SNCAIP: variants seen among roughly 807,000 people sequenced by gnomAD.
The protein encoded by SNCAIP is synuclein alpha interacting protein.
A neutral mutation model predicts 86.7 loss-of-function variants in SNCAIP; 43 were observed. The ratio of observed to expected loss-of-function variants is 0.50; its 90% CI spans 0.39 to 0.64. SNCAIP has a LOEUF of 0.64. SNCAIP is among the 30% of genes least tolerant of loss of function. The pLI is 0.00. For synonymous variants in SNCAIP, 417 were observed against 427.2 expected, an observed-to-expected ratio of 0.98 and a Z score of 0.29; for missense variants, 981 against 1,103.1, an observed-to-expected ratio of 0.89 and a Z score of 1.57.
At chr5:122,364,829 G>C (rs1762834673) in intron 1 of SNCAIP, among the ~76,000 whole-genome samples, 1 of 152,076 alleles carries the variant, frequency 6.6e-6, no homozygotes, top group Admixed American at 6.5e-5. Context: ...AAAACTGTGT[G>C]ACCATAGGCA....
chr5:122,437,727 G>A (rs983674075), intron 6 of SNCAIP, among the ~76,000 whole-genome samples: 6 of 152,184 alleles, frequency 3.9e-5, no homozygotes, highest in Non-Finnish European at 7.3e-5. Context: ...TCCTAAGAAG[G>A]AAAGGCAAGT....
chr5:122,332,298 A>G (rs1755525158), intron 1 of SNCAIP, among the ~76,000 whole-genome samples: 1 of 152,216 alleles, frequency 6.6e-6, no homozygotes, highest in South Asian at 2.1e-4. Flanking sequence ...AAAAATTTTT[A>G]TAAAGACTTC....
intron 1 of SNCAIP, chr5:122,369,929 A>G (rs1030904551): frequency 1.3e-5 from 2 of 152,204 alleles, no homozygotes; most frequent in African/African-American, 4.8e-5. Flanking sequence ...TTTTGAATGC[A>G]AGAGCCCTGG....
intron 1 of SNCAIP, among the ~76,000 whole-genome samples, chr5:122,319,288 G>T (rs1752465583): frequency 6.6e-6 from 1 of 151,852 alleles, no homozygotes; most frequent in Non-Finnish European, 1.5e-5. Flanking sequence ...CAGTACTATT[G>T]TTGAAATTAA....
intron 1 of SNCAIP, among the ~76,000 whole-genome samples, chr5:122,365,411 G>T (rs1762981472): frequency 1.3e-5 from 2 of 152,174 alleles, no homozygotes; most frequent in African/African-American, 4.8e-5. Flanking sequence ...AGGCGTGGTG[G>T]CTCACACCTG....
chr5:122,411,487 C>T (rs113681276), intron 3 of SNCAIP, among the ~76,000 whole-genome samples: 131 of 152,212 alleles, frequency 8.6e-4, no homozygotes, highest in African/African-American at 3.0e-3. Context: ...TTTTGTCTCT[C>T]AATATTAAAT....
intron 8 of SNCAIP, among the ~76,000 whole-genome samples, chr5:122,446,138 C>T (rs1039061292): frequency 3.9e-5 from 6 of 152,000 alleles, no homozygotes; most frequent in African/African-American, 9.7e-5. Flanking sequence ...AAGCTGTCTC[C>T]CCACAGTGAA....
At chr5:122,362,122 A>G (rs1432846520) in intron 1 of SNCAIP, among the ~76,000 whole-genome samples, 5 of 152,220 alleles carry the variant, frequency 3.3e-5, no homozygotes, top group Non-Finnish European at 5.9e-5. Flanking sequence ...AATTAAAACA[A>G]TAACAACTAA....
intron 1 of SNCAIP, chr5:122,383,657 T>C (rs1767474239): frequency 6.6e-6 from 1 of 152,166 alleles, no homozygotes; most frequent in African/African-American, 2.4e-5. Flanking sequence ...TATATGTTAG[T>C]TTGTTCTCAA....
chr5:122,459,764 C>G (rs1446417107), intron 10 of SNCAIP, among the ~76,000 whole-genome samples: 3 of 152,100 alleles, frequency 2.0e-5, no homozygotes, highest in Non-Finnish European at 4.4e-5. Flanking sequence ...TTTAAGTGTT[C>G]TATTTTAATT....
intron 6 of SNCAIP, among the ~76,000 whole-genome samples, chr5:122,439,936 T>C (rs796281351): frequency 3.3e-5 from 5 of 152,214 alleles, no homozygotes; most frequent in African/African-American, 1.2e-4. Flanking sequence ...CTGCTCTATG[T>C]CTTTGCTTTT....
intron 3 of SNCAIP, among the ~76,000 whole-genome samples, chr5:122,419,421 G>C (rs1057042443): frequency 1.3e-5 from 2 of 152,202 alleles, no homozygotes; most frequent in Non-Finnish European, 2.9e-5. Context: ...CTATACATCA[G>C]CAGCAAATAC....
At chr5:122,398,677 T>G (rs1017219643) in intron 2 of SNCAIP, among the ~76,000 whole-genome samples, 2 of 152,144 alleles carry the variant, frequency 1.3e-5, no homozygotes, top group African/African-American at 4.8e-5. Context: ...CTTAGTAGTT[T>G]GAAAGTCTCT....
At chr5:122,430,825 C>T (rs1778273944) in intron 5 of SNCAIP, among the ~76,000 whole-genome samples, 1 of 151,644 alleles carries the variant, frequency 6.6e-6, no homozygotes, top group East Asian at 1.9e-4. Context: ...TTTACTTGAT[C>T]CTAAAGGTCA....
chr5:122,417,392 G>A (rs2152913481), intron 3 of SNCAIP, among the ~76,000 whole-genome samples: 1 of 152,276 alleles, frequency 6.6e-6, no homozygotes, highest in African/African-American at 2.4e-5. Context: ...TTTAGGGGTG[G>A]ATCGGGTTTT....
At chr5:122,430,927 TC>T (rs1778295849) in intron 5 of SNCAIP, among the ~76,000 whole-genome samples, 1 of 152,162 alleles carries the variant, frequency 6.6e-6, no homozygotes, top group Non-Finnish European at 1.5e-5. Context: ...AAAGATAATT[TC>T]CCTTTTTAAA....
At chr5:122,365,594 G>A (rs928978358) in intron 1 of SNCAIP, among the ~76,000 whole-genome samples, 24 of 152,172 alleles carry the variant, frequency 1.6e-4, no homozygotes, top group African/African-American at 5.1e-4. Context: ...CAGGAGAATC[G>A]CTTGAGCCTG....
chr5:122,440,501 A>T (rs1158583152), intron 6 of SNCAIP, 128 bp from the exon 7 acceptor site: 3 of 871,988 alleles, frequency 3.4e-6, no homozygotes, highest in Non-Finnish European at 5.7e-6. Flanking sequence ...CTGAATGAGA[A>T]TTTTCTCTTG....
intron 4 of SNCAIP, among the ~76,000 whole-genome samples, 200 bp downstream of exon 4, chr5:122,423,939 T>C (rs1243090607): frequency 1.3e-5 from 2 of 152,230 alleles, no homozygotes; most frequent in Non-Finnish European, 2.9e-5. Flanking sequence ...CAAATAACTA[T>C]AGAGGGAGTG....
Sources: allele counts gnomAD v4.1 joint callset (sites outside exome capture counted in the v4.1 genomes callset), GRCh38; gene constraint gnomAD v4.1.1; transcripts MANE v1.5; gene names NCBI Gene and HGNC (gene_info 2026-07-23, HGNC 2026-07-21).